Variants in GRIA1 observed in about 807,000 individuals in gnomAD.
GRIA1 encodes the protein glutamate receptor 1.
Under a neutral mutation model 99.2 loss-of-function variants are expected in GRIA1, and 31 were observed. The ratio of observed to expected loss-of-function variants is 0.31; its 90% CI spans 0.23 to 0.42. The LOEUF (loss-of-function observed/expected upper bound fraction) is 0.42. Among genes scored for constraint, GRIA1 ranks in the 10% least tolerant of loss-of-function variants. GRIA1 has a pLI of 1.00. For missense variants in GRIA1, 782 were observed against 1,157.5 expected (o/e 0.68, Z 4.71); for synonymous variants, 438 against 432.4 (o/e 1.01, Z -0.16).
chr5:153,642,267 C>T (rs750327375), intron 2 of GRIA1, among the ~76,000 whole-genome samples: 1 of 152,178 alleles, frequency 6.6e-6, no homozygotes, highest in Non-Finnish European at 1.5e-5. Context: ...TGTCGTCAGA[C>T]TGGTAGAGGT....
Position 153,770,142 on chromosome 5 carries a change from T to A in GRIA1, c.2023-26T>A, listed in dbSNP as rs1320069889. On this transcript the variant is annotated intron_variant, in intron 12 of 15. Coordinates refer to ENST00000285900, the MANE Select transcript of GRIA1 (RefSeq NM_000827.4). The stretch of plus-strand genomic sequence containing the variant: ...GACCCCAATTCCAAGCGCACTTAAT[T>A]CCAGCTTTGTTTCTGTCCCTACCAG... The A allele has an allele frequency of 6.2e-6, 10 of 1,610,738 alleles. No homozygotes were observed. The African/African-American group carries it at 1.3e-4, about 22-fold the overall frequency.
chr5:153,680,003 G>A (rs562900168), intron 7 of GRIA1, among the ~76,000 whole-genome samples: 16 of 152,240 alleles, frequency 1.1e-4, no homozygotes, highest in African/African-American at 3.1e-4. Flanking sequence ...TTTATTAACC[G>A]TGGTTTGTAA....
chr5:153,720,642 G>C (rs911549293), intron 11 of GRIA1, among the ~76,000 whole-genome samples: 1 of 152,198 alleles, frequency 6.6e-6, no homozygotes, highest in African/African-American at 2.4e-5. Flanking sequence ...GTCATGGTGT[G>C]TATTTCTTTA....
intron 5 of GRIA1, among the ~76,000 whole-genome samples, chr5:153,671,283 G>A (rs1299543278): frequency 6.6e-6 from 1 of 152,194 alleles, no homozygotes; most frequent in African/African-American, 2.4e-5. Context: ...AAATGCCCAG[G>A]ACCTTGTTAC....
In GRIA1 at chr5:153,493,975, T is replaced by C. The variant is rs140887009; in HGVS notation, c.130T>C (p.Phe44Leu). The stretch of plus-strand genomic sequence containing the variant: ...GTCACAGGAACATGCTGCTTTTAGA[T>C]TTGCTTTGTCGCAACTCACAGAGCC... Reference protein sequence around the residue: ...QQSQEHAAFRFALSQLTEPPK... With the variant: ...QQSQEHAAFRLALSQLTEPPK... The change falls in exon 2 of 16, where the codon TTT becomes CTT. Residue 44 changes from phenylalanine to leucine, a missense_variant. By Grantham distance (22) the Phe-to-Leu change is conservative. This residue lies in a region of GRIA1 where 461 missense variants were observed against 521.7 expected (regional missense o/e 0.88). Coordinates refer to ENST00000285900, the MANE Select transcript of GRIA1 (RefSeq NM_000827.4). 3.1e-6 allele frequency: 5 copies of C among 1,614,112 alleles called. No homozygotes were observed.
chr5:153,659,503 G>A (rs571293275), intron 5 of GRIA1, among the ~76,000 whole-genome samples: 3 of 152,244 alleles, frequency 2.0e-5, no homozygotes, highest in Non-Finnish European at 4.4e-5. Context: ...AGACTGTGGG[G>A]AGTGCAGACA....
chr5:153,681,650 A>G (rs1197320725), intron 7 of GRIA1, among the ~76,000 whole-genome samples: 1 of 152,124 alleles, frequency 6.6e-6, no homozygotes, highest in Non-Finnish European at 1.5e-5. Context: ...CCTTTTCCAG[A>G]TCTGGATTTT....
At chr5:153,747,457 G>A (rs932457509) in intron 11 of GRIA1, among the ~76,000 whole-genome samples, 6 of 152,070 alleles carry the variant, frequency 3.9e-5, no homozygotes, top group African/African-American at 1.4e-4. Context: ...TGGATGAGAC[G>A]AACATCCAAA....
intron 9 of GRIA1, among the ~76,000 whole-genome samples, 187 bp from the exon 10 acceptor site, chr5:153,698,680 A>G (rs1758295489): frequency 6.6e-6 from 1 of 152,214 alleles, no homozygotes; most frequent in Non-Finnish European, 1.5e-5. Flanking sequence ...TATTTTAACA[A>G]AGTTTGCTTC....
At position 153,490,786 on chromosome 5, in the gene GRIA1, G is replaced by A; in HGVS notation, c.-103G>A. The A allele has an allele frequency of 1.1e-6, 1 of 876,678 alleles. No individual in the cohort carries two copies. The highest frequency in any genetic ancestry group is 1.3e-5 in the South Asian group (1 of 74,146). The allele number at this position is 876,678 out of a possible 1,614,324, so 54.3% of individuals were successfully genotyped here. ...AGCAAGCAAGGAAGGAACTGCAGGA[G>A]GAAAAGAACAGGCAGAACAGCGAGA... On this transcript the variant is annotated 5_prime_UTR_variant, in exon 1 of 16. Transcript: ENST00000285900.
At chr5:153,508,790 A>G (rs777751511) in intron 2 of GRIA1, among the ~76,000 whole-genome samples, 5 of 152,194 alleles carry the variant, frequency 3.3e-5, no homozygotes, top group Admixed American at 1.3e-4. Context: ...GCTTTTTTAA[A>G]AAACAATCAC....
intron 2 of GRIA1, among the ~76,000 whole-genome samples, chr5:153,582,374 T>C (rs534853145): frequency 6.6e-6 from 1 of 152,320 alleles, no homozygotes; most frequent in East Asian, 1.9e-4. Context: ...AGTGTTGGCA[T>C]ATTTCTGGGG....
chr5:153,740,749 A>T (rs550288328), intron 11 of GRIA1, among the ~76,000 whole-genome samples: 25 of 152,148 alleles, frequency 1.6e-4, no homozygotes, highest in Non-Finnish European at 3.5e-4. Flanking sequence ...CCAGTGAACT[A>T]TGAACAGAAG....
intron 2 of GRIA1, among the ~76,000 whole-genome samples, chr5:153,578,148 CAAAAAA>C (rs60901793): frequency 6.5e-4 from 45 of 69,322 alleles, no homozygotes; most frequent in African/African-American, 1.9e-3. Flanking sequence ...GAGACTCTGT[CAAAAAA>C]AAAAAAAAAA....
chr5:153,635,838 G>A (rs959335808), intron 2 of GRIA1, among the ~76,000 whole-genome samples: 9 of 152,132 alleles, frequency 5.9e-5, no homozygotes, highest in Non-Finnish European at 1.2e-4. Flanking sequence ...CAAGACTGGC[G>A]TCTCCTCTGC....
intron 8 of GRIA1, among the ~76,000 whole-genome samples, chr5:153,687,098 T>C (rs955541508): frequency 3.3e-5 from 5 of 152,182 alleles, no homozygotes; most frequent in African/African-American, 1.2e-4. Flanking sequence ...AAAGTAAATG[T>C]CATTCCCCAA....
chr5:153,493,199 C>A (rs1377504167), intron 1 of GRIA1, among the ~76,000 whole-genome samples: 1 of 152,192 alleles, frequency 6.6e-6, no homozygotes, highest in Non-Finnish European at 1.5e-5. Flanking sequence ...GATCCCACAT[C>A]TTTGAAGCAC....
intron 11 of GRIA1, among the ~76,000 whole-genome samples, chr5:153,729,730 C>T (rs1035516245): frequency 3.3e-5 from 5 of 152,006 alleles, no homozygotes; most frequent in Admixed American, 6.6e-5. Context: ...AGACAAAAAC[C>T]CCCACACTCA....
At chr5:153,769,813 C>T (rs1311212873) in intron 12 of GRIA1, among the ~76,000 whole-genome samples, 5 of 152,012 alleles carry the variant, frequency 3.3e-5, no homozygotes, top group Admixed American at 1.3e-4. Context: ...TCTATTTCTT[C>T]TGGTTAGTAT....
Sources: allele counts gnomAD v4.1 joint callset (sites outside exome capture counted in the v4.1 genomes callset), GRCh38; gene constraint gnomAD v4.1.1; regional missense constraint gnomAD v4.1.1; transcripts MANE v1.5; gene names NCBI Gene and HGNC (gene_info 2026-07-23, HGNC 2026-07-21).